Variants in PLD5 observed in about 807,000 individuals in gnomAD.
PLD5 encodes inactive phospholipase D5.
PLD5 carries 36 observed loss-of-function variants against 61.1 expected under a neutral mutation model. The ratio of observed to expected loss-of-function variants is 0.59; its 90% CI spans 0.45 to 0.78. The LOEUF is 0.78. Ranked by LOEUF, PLD5 falls within the 30% of genes least tolerant of loss-of-function variation. The pLI, the probability that PLD5 is intolerant of heterozygous loss-of-function variation, is 0.00. For synonymous variants in PLD5, 243 were observed against 242.8 expected (o/e 1.00, Z -0.01); for missense variants, 515 against 644.4 (o/e 0.80, Z 2.17).
intron 4 of PLD5, among the ~76,000 whole-genome samples, chr1:242,241,908 T>TATATATAC (rs1553334435): frequency 2.3e-5 from 1 of 43,196 alleles, no homozygotes; most frequent in Non-Finnish European, 4.5e-5. Flanking sequence ...TATATATATA[T>TATATATAC]ATACTTACTG....
chr1:242,260,035 G>A (rs1196814803), intron 4 of PLD5, among the ~76,000 whole-genome samples: 16 of 152,120 alleles, frequency 1.1e-4, no homozygotes, highest in Admixed American at 1.0e-3. Flanking sequence ...TGGGAGGCAT[G>A]AGCAGAGAAA....
At chr1:242,202,265 T>C (rs1669031969) in intron 5 of PLD5, among the ~76,000 whole-genome samples, 2 of 152,058 alleles carry the variant, frequency 1.3e-5, no homozygotes, top group Admixed American at 1.3e-4. Flanking sequence ...ATATGGTGTG[T>C]GGCCAGGTCC....
At chr1:242,513,479 G>A (rs1669002180) in intron 1 of PLD5, among the ~76,000 whole-genome samples, 1 of 152,184 alleles carries the variant, frequency 6.6e-6, no homozygotes, top group South Asian at 2.1e-4. Flanking sequence ...ATAATATGCT[G>A]TCCATGGTGT....
intron 2 of PLD5, among the ~76,000 whole-genome samples, chr1:242,306,090 C>T (rs1358820910): frequency 6.6e-6 from 1 of 151,712 alleles, no homozygotes; most frequent in Non-Finnish European, 1.5e-5. Flanking sequence ...TTGCCAGTCC[C>T]CAAAACTGAA....
chr1:242,348,913 G>C (rs1660306899), intron 1 of PLD5, among the ~76,000 whole-genome samples: 1 of 152,132 alleles, frequency 6.6e-6, no homozygotes, highest in Non-Finnish European at 1.5e-5. Flanking sequence ...AATTAGCTGG[G>C]CGTGGTGGCA....
At chr1:242,241,893 A>ACACTTAC (rs372975900) in intron 4 of PLD5, among the ~76,000 whole-genome samples, 1 of 35,824 alleles carries the variant, frequency 2.8e-5, no homozygotes, top group African/African-American at 9.9e-5. Context: ...ATATATATAT[A>ACACTTAC]TATATATATA....
At chr1:242,258,861 A>C (rs911667720) in intron 4 of PLD5, among the ~76,000 whole-genome samples, 2 of 152,184 alleles carry the variant, frequency 1.3e-5, no homozygotes, top group African/African-American at 2.4e-5. Flanking sequence ...TGTTGCAAAA[A>C]GTGATTCAGA....
intron 5 of PLD5, among the ~76,000 whole-genome samples, chr1:242,190,633 G>A (rs1205091430): frequency 6.6e-6 from 1 of 151,862 alleles, no homozygotes; most frequent in Non-Finnish European, 1.5e-5. Flanking sequence ...TGTAACATCA[G>A]CACTTTGGGG....
chr1:242,209,283 C>T (rs1279629274), intron 5 of PLD5: 1 of 152,174 alleles, frequency 6.6e-6, no homozygotes, highest in East Asian at 1.9e-4. Flanking sequence ...TGTTCTCCGT[C>T]TTCCCACAGG....
chr1:242,335,011 T>C (rs1311469373), intron 2 of PLD5, among the ~76,000 whole-genome samples: 1 of 152,212 alleles, frequency 6.6e-6, no homozygotes, highest in African/African-American at 2.4e-5. Flanking sequence ...TGCCCTTTTG[T>C]AAAATTAGTG....
At chr1:242,178,411 C>T (rs1667307874) in intron 5 of PLD5, 1 of 152,122 alleles carries the variant, frequency 6.6e-6, no homozygotes, top group South Asian at 2.1e-4. Context: ...TCTATGGGGT[C>T]CCTCACTGTG....
chr1:242,406,964 T>C, intron 1 of PLD5, among the ~76,000 whole-genome samples: 1 of 152,282 alleles, frequency 6.6e-6, no homozygotes, highest in East Asian at 1.9e-4. Flanking sequence ...TACTTTTTGT[T>C]TCTGCAATGA....
the PLD5 span, among the ~76,000 whole-genome samples, chr1:242,529,800 T>TTCCTTCCC: frequency 6.7e-6 from 1 of 149,738 alleles, no homozygotes; most frequent in African/African-American, 2.5e-5. Flanking sequence ...CCTTCCTTCC[T>TTCCTTCCC]TCCTTCCTTC....
chr1:242,175,418 C>G (rs1001132560), intron 5 of PLD5, among the ~76,000 whole-genome samples: 1 of 152,160 alleles, frequency 6.6e-6, no homozygotes, highest in Admixed American at 6.5e-5. Context: ...ACTAAAAACT[C>G]TCAACAGACT....
At chr1:242,516,659 T>G (rs1669114085) in intron 1 of PLD5, among the ~76,000 whole-genome samples, 1 of 152,212 alleles carries the variant, frequency 6.6e-6, no homozygotes, top group African/African-American at 2.4e-5. Flanking sequence ...GTTTCTGCAC[T>G]GTCTAGTTTG....
intron 2 of PLD5, among the ~76,000 whole-genome samples, chr1:242,340,671 C>T (rs1448789290): frequency 3.9e-5 from 6 of 152,166 alleles, no homozygotes; most frequent in Admixed American, 3.9e-4. Flanking sequence ...AGACCCAATA[C>T]TTGTCTGCAA....
chr1:242,447,125 A>G (rs1427871968), intron 1 of PLD5, among the ~76,000 whole-genome samples: 1 of 152,236 alleles, frequency 6.6e-6, no homozygotes, highest in Non-Finnish European at 1.5e-5. Context: ...GAGAACTTCT[A>G]CACATTTTCC....
intron 5 of PLD5, among the ~76,000 whole-genome samples, chr1:242,163,826 C>T (rs903534694): frequency 9.3e-5 from 14 of 150,126 alleles, no homozygotes; most frequent in African/African-American, 3.0e-4. Context: ...CAGGGAGAGA[C>T]GGGTAACAAG....
intron 1 of PLD5, among the ~76,000 whole-genome samples, chr1:242,399,140 G>T (rs1426226823): frequency 1.3e-5 from 2 of 152,140 alleles, no homozygotes; most frequent in Non-Finnish European, 2.9e-5. Flanking sequence ...TGTGCAAGAT[G>T]AAAAAACAAG....
Sources: allele counts gnomAD v4.1 joint callset (sites outside exome capture counted in the v4.1 genomes callset), GRCh38; gene constraint gnomAD v4.1.1; transcripts MANE v1.5; gene names NCBI Gene and HGNC (gene_info 2026-07-23, HGNC 2026-07-21).